LATS1: variants seen among roughly 807,000 people sequenced by gnomAD.
LATS1 encodes the protein serine/threonine-protein kinase LATS1.
A neutral mutation model predicts 106.6 loss-of-function variants in LATS1; 25 were observed. The observed-to-expected ratio is 0.23, with a 90% CI of 0.17 to 0.33. The LOEUF (loss-of-function observed/expected upper bound fraction) is 0.33. Among genes scored for constraint, LATS1 ranks in the 10% least tolerant of loss-of-function variants. The pLI, the probability that LATS1 is intolerant of heterozygous loss-of-function variation, is 1.00. For synonymous variants in LATS1, 465 were observed against 455.6 expected (o/e 1.02, Z -0.26); for missense variants, 1,040 against 1,382.6 (o/e 0.75, Z 3.93).
Position 149,701,954 on chromosome 6 carries a change from G to A in LATS1, c.173C>T (p.Ser58Leu), listed in dbSNP as rs746264565. The change falls in exon 2 of 8, where the codon TCA becomes TTA. Residue 58 changes from serine to leucine, a missense_variant. Transcript: ENST00000543571. The stretch of plus-strand genomic sequence containing the variant: ...TCTGACTTGTCGAGGATCTTCGGTT[G>A]ACATTTTACTCATGTTATGCTCAGC... ...AKAEHNMSKM[S>L]TEDPRQVRNP... 2.5e-6 allele frequency: 4 copies of A among 1,614,052 alleles called. No individual in the cohort carries two copies. Among genetic ancestry groups the A allele is most frequent in the Admixed American group, 3.3e-5 (2 of 59,994 alleles).
In LATS1 at chr6:149,662,363, C is replaced by T. The variant is rs572159459; in HGVS notation, c.2884-125G>A. The T allele has an allele frequency of 1.6e-4, 141 of 886,574 alleles. No individual in the cohort carries two copies. In the South Asian group the frequency reaches 2.5e-3, roughly 16 times the overall value. The allele number at this position is 886,574 out of a possible 1,614,324, so 54.9% of individuals were successfully genotyped here. A position where few individuals can be genotyped will look rare whatever the true frequency, so the allele number is the denominator to read the frequency against. On this transcript the variant is annotated intron_variant, in intron 7 of 7. Transcript: ENST00000543571. ...TTTAAATAAATTACATGATATTTTG[C>T]TGGAAAATAATTTTTTCTCCTATCC...
intron 3 of LATS1, among the ~76,000 whole-genome samples, chr6:149,688,665 CA>C (rs1782542993): frequency 1.3e-5 from 2 of 152,126 alleles, no homozygotes; most frequent in African/African-American, 4.8e-5. Flanking sequence ...CTAAGCAATC[CA>C]ATGACATTGG....
chr6:149,716,477 A>G (rs910254223), intron 1 of LATS1: 2 of 152,224 alleles, frequency 1.3e-5, no homozygotes, highest in Non-Finnish European at 1.5e-5. Flanking sequence ...TTTGTGATGT[A>G]TAACAATCTC....
chr6:149,700,892 T>C (rs1359067095), intron 2 of LATS1, among the ~76,000 whole-genome samples: 2 of 152,238 alleles, frequency 1.3e-5, no homozygotes, highest in Admixed American at 1.3e-4. Flanking sequence ...CAAGAGATTA[T>C]CCTGCTTCAG....
chr6:149,700,866 C>T (rs965539633), intron 2 of LATS1, among the ~76,000 whole-genome samples: 24 of 152,324 alleles, frequency 1.6e-4, no homozygotes, highest in African/African-American at 5.5e-4. Context: ...TCACTGTAAC[C>T]TCTGCCTCCC....
At chr6:149,697,022 ACATAAATCACTCACTAT>A in intron 2 of LATS1, 1 of 610,252 alleles carries the variant, frequency 1.6e-6, no homozygotes, top group Non-Finnish European at 2.7e-6. Context: ...TTTTATATAA[ACATAAATCACTCACTAT>A]CATGCAGAAA....
Position 149,660,095 on chromosome 6 carries a change from C to T in LATS1, c.*1634G>A. The T allele has an allele frequency of 8.6e-6, 2 of 232,452 alleles. No individual in the cohort carries two copies. Among genetic ancestry groups the T allele is most frequent in the Non-Finnish European group, 1.7e-5 (2 of 117,662 alleles). The allele number at this position is 232,452 out of a possible 1,614,324, so 14.4% of individuals were successfully genotyped here. A position where few individuals can be genotyped will look rare whatever the true frequency, so the allele number is the denominator to read the frequency against. On this transcript the variant is annotated 3_prime_UTR_variant, in exon 8 of 8. Coordinates refer to ENST00000543571, the MANE Select transcript of LATS1 (RefSeq NM_004690.4). ...GGCACAGAGGTCCATAACCTACAGC[C>T]TGTGATAGGTTTCAATATGTCCAAA...
At chr6:149,671,006 T>A (rs1344226187) in intron 7 of LATS1, among the ~76,000 whole-genome samples, 1 of 151,882 alleles carries the variant, frequency 6.6e-6, no homozygotes, top group Non-Finnish European at 1.5e-5. Context: ...CCCACAGAGA[T>A]TTTCTCCTAT....
At chr6:149,676,030 G>A (rs1442902170) in intron 7 of LATS1, 2 of 450,598 alleles carry the variant, frequency 4.4e-6, no homozygotes, top group Non-Finnish European at 8.0e-6. Flanking sequence ...AAAAATATTT[G>A]TTTGTAGAGA....
intron 3 of LATS1, among the ~76,000 whole-genome samples, chr6:149,689,741 A>G (rs1782615535): frequency 6.6e-6 from 1 of 152,174 alleles, no homozygotes; most frequent in Non-Finnish European, 1.5e-5. Context: ...AGCAGGCATC[A>G]GAAAGTACTC....
intron 7 of LATS1, among the ~76,000 whole-genome samples, chr6:149,663,633 G>T (rs1200732168): frequency 6.6e-6 from 1 of 151,768 alleles, no homozygotes; most frequent in Non-Finnish European, 1.5e-5. Context: ...TCTATTATTT[G>T]TTCCTTTTAA....
chr6:149,664,782 T>C (rs755909839), intron 7 of LATS1, among the ~76,000 whole-genome samples: 2 of 152,166 alleles, frequency 1.3e-5, no homozygotes, highest in Non-Finnish European at 2.9e-5. Flanking sequence ...CTTGAACTCC[T>C]AGCCTCAAGC....
At chr6:149,671,722 T>C (rs1165267645) in intron 7 of LATS1, among the ~76,000 whole-genome samples, 1 of 151,986 alleles carries the variant, frequency 6.6e-6, no homozygotes, top group Non-Finnish European at 1.5e-5. Flanking sequence ...TGTCCATCCA[T>C]ATAAATTTTA....
At chr6:149,701,530 T>C (rs1458442629) in intron 2 of LATS1, among the ~76,000 whole-genome samples, 4 of 152,240 alleles carry the variant, frequency 2.6e-5, no homozygotes, top group Admixed American at 1.3e-4. Context: ...TATGACTTCA[T>C]GATCTGGCCT....
chr6:149,690,551 CTTT>C (rs60856593), intron 3 of LATS1, among the ~76,000 whole-genome samples: 1 of 138,340 alleles, frequency 7.2e-6, no homozygotes. Context: ...TTTTAACTTT[CTTT>C]TTTTTTTTTT....
At chr6:149,704,409 G>A (rs1309753019) in intron 1 of LATS1, among the ~76,000 whole-genome samples, 2 of 151,292 alleles carry the variant, frequency 1.3e-5, no homozygotes, top group Non-Finnish European at 2.9e-5. Flanking sequence ...CCTATTTTCT[G>A]TTCTAAAATT....
At chr6:149,679,670 A>G (rs369611116) in intron 5 of LATS1, among the ~76,000 whole-genome samples, 43 of 152,272 alleles carry the variant, frequency 2.8e-4, no homozygotes, top group African/African-American at 8.9e-4. Context: ...CTTTCATTTC[A>G]TAAGTCTAAA....
chr6:149,673,176 A>G lies in LATS1; in HGVS notation c.2883+3084T>C, dbSNP rs1037680455. 3.1e-4 allele frequency among the ~76,000 whole-genome samples: 45 copies of G among 145,358 alleles called. 1 individual carries two copies. The highest frequency in any genetic ancestry group is 3.6e-3 in the Middle Eastern group (1 of 278). ...CAGTGGTATAATCATGGCTCACTGCAGCCTTGACCTCCCCAGGCTCAGGTG... is the reference window on the plus strand; with the variant it reads ...CAGTGGTATAATCATGGCTCACTGCGGCCTTGACCTCCCCAGGCTCAGGTG... On this transcript the variant is annotated intron_variant, in intron 7 of 7. Transcript: ENST00000543571.
chr6:149,709,903 T>C (rs373362967), intron 1 of LATS1, among the ~76,000 whole-genome samples: 2 of 152,024 alleles, frequency 1.3e-5, no homozygotes, highest in African/African-American at 4.8e-5. Flanking sequence ...CTTGAACTCC[T>C]GACCTCGTGA....
Sources: gnomAD v4.1 joint callset for allele counts (sites outside exome capture counted in the v4.1 genomes callset) on GRCh38, gnomAD v4.1.1 for gene constraint, MANE v1.5 for transcripts, NCBI Gene and HGNC (gene_info 2026-07-23, HGNC 2026-07-21) for gene names.